The following WWC1 variants were observed in gnomAD, a reference collection of about 807,000 sequenced individuals.
WWC1 encodes the protein protein KIBRA.
Under a neutral mutation model 138.4 loss-of-function variants are expected in WWC1, and 55 were observed. The observed-to-expected ratio is 0.40, with a 90% CI of 0.32 to 0.50. WWC1 has a LOEUF of 0.50. Ranked by LOEUF, WWC1 falls within the 20% of genes least tolerant of loss-of-function variation. WWC1 has a pLI of 0.72. For missense variants in WWC1, 1,226 were observed against 1,420.4 expected (o/e 0.86, Z 2.20); for synonymous variants, 524 against 564.9 (o/e 0.93, Z 1.03).
intron 6 of WWC1, among the ~76,000 whole-genome samples, chr5:168,407,122 G>T (rs921700235): frequency 6.6e-6 from 1 of 152,092 alleles, no homozygotes; most frequent in Admixed American, 6.5e-5. Context: ...ATGAAATGGA[G>T]GGAGGTGGTT....
intron 1 of WWC1, among the ~76,000 whole-genome samples, chr5:168,349,163 A>G (rs1181020367): frequency 1.3e-5 from 2 of 152,134 alleles, no homozygotes; most frequent in Admixed American, 6.5e-5. Context: ...ATGACCAGAC[A>G]CAGTGATTTC....
Position 168,423,728 on chromosome 5 carries a change from C to T in WWC1, c.1470C>T (p.Thr490=), listed in dbSNP as rs375845972. 53 of 1,613,902 alleles carry T rather than the reference C, an allele frequency of 3.3e-5. No individual in the cohort carries two copies. The highest frequency in any genetic ancestry group is 3.3e-4 in the Middle Eastern group (2 of 6,084). ...AGTTCCTGCTCCTGGAGGGGGCCAC[C>T]GGCTTCCGGCCCTCAGGCTGCATCA... ...KVEFLLLEGA[T]GFRPSGCITT... is the part of the protein sequence containing the mutation. Residue 490 remains threonine (T), a synonymous_variant, in exon 11 of 23, where the codon ACC becomes ACT. Coordinates refer to ENST00000265293, the MANE Select transcript of WWC1 (RefSeq NM_015238.3).
At chr5:168,399,437 C>T (rs1192040692) in intron 4 of WWC1, 51 bp from the exon 5 acceptor site, 13 of 1,604,122 alleles carry the variant, frequency 8.1e-6, no homozygotes, top group African/African-American at 1.3e-5. Flanking sequence ...GCAGCCTGCA[C>T]CTTGGTGTCA....
At chr5:168,321,277 G>A (rs2152758595) in intron 1 of WWC1, among the ~76,000 whole-genome samples, 1 of 152,222 alleles carries the variant, frequency 6.6e-6, no homozygotes, top group South Asian at 2.1e-4. Flanking sequence ...GAAGAACCAG[G>A]TTCTTTTTCT....
intron 15 of WWC1, among the ~76,000 whole-genome samples, chr5:168,432,836 T>C (rs1782053751): frequency 6.6e-6 from 1 of 152,232 alleles, no homozygotes; most frequent in South Asian, 2.1e-4. Context: ...AAAAACAAGA[T>C]GTATACACCT....
intron 10 of WWC1, among the ~76,000 whole-genome samples, chr5:168,423,147 C>A (rs4976605): frequency 0.13 from 11,731 of 92,590 alleles, 335 homozygotes; most frequent in Middle Eastern, 0.17. Context: ...TCCATCCCCC[C>A]CCAAAAAAAA....
At chr5:168,364,158 A>T (rs1561661412) in intron 1 of WWC1, among the ~76,000 whole-genome samples, 1 of 151,894 alleles carries the variant, frequency 6.6e-6, no homozygotes. Flanking sequence ...CAGAGAAGAA[A>T]ACTCCTCTCA....
At chr5:168,361,063 G>C (rs1775844030) in intron 1 of WWC1, among the ~76,000 whole-genome samples, 3 of 152,212 alleles carry the variant, frequency 2.0e-5, no homozygotes, top group Admixed American at 2.0e-4. Context: ...TGTGTGCCAG[G>C]TGCTGTGTTG....
At chr5:168,384,713 CTTT>C (rs762052940) in intron 2 of WWC1, among the ~76,000 whole-genome samples, 1 of 99,634 alleles carries the variant, frequency 1.0e-5, no homozygotes, top group South Asian at 3.6e-4. Flanking sequence ...CTGGTTTATT[CTTT>C]TTTTTTTTTT....
intron 9 of WWC1, among the ~76,000 whole-genome samples, chr5:168,417,055 T>TG (rs1165897300): frequency 6.6e-6 from 1 of 151,966 alleles, no homozygotes; most frequent in Non-Finnish European, 1.5e-5. Context: ...TTAGTAGAGG[T>TG]GGGGTTTCAC....
intron 17 of WWC1, 46 bp downstream of exon 17, chr5:168,444,631 C>T: frequency 6.2e-7 from 1 of 1,601,538 alleles, no homozygotes; most frequent in Non-Finnish European, 8.5e-7. Context: ...CTGCCTGGAC[C>T]TAGGCCCAGC....
chr5:168,427,538 CT>C (rs1306657651), intron 11 of WWC1, among the ~76,000 whole-genome samples: 1 of 135,424 alleles, frequency 7.4e-6, no homozygotes. Flanking sequence ...CTAAAGCAAA[CT>C]TTTTTTTAAT....
In WWC1 at chr5:168,409,830, G is replaced by A. The variant is rs149715892; in HGVS notation, c.868-92G>A. ...GGGGCTATTCTTGGCTACTGCCCAC[G>A]CAAGCTGTCAAGTCTCTCATGAGCC... On this transcript the variant is annotated intron_variant, in intron 7 of 22. Transcript: ENST00000265293. 221 of 1,328,994 alleles carry A rather than the reference G, an allele frequency of 1.7e-4. 4 individuals carry two copies. The East Asian group carries it at 3.6e-3, about 22-fold the overall frequency. 82.3% of individuals were successfully genotyped at this position (1,328,994 alleles called of 1,614,324 possible).
At chr5:168,399,336 G>T in intron 4 of WWC1, 152 bp from the exon 5 acceptor site, 2 of 678,274 alleles carry the variant, frequency 2.9e-6, no homozygotes, top group African/African-American at 1.8e-5. Context: ...GGTGACAGGA[G>T]GGGGCTCTGA....
At chr5:168,340,314 T>TCC (rs1561631873) in intron 1 of WWC1, among the ~76,000 whole-genome samples, 1 of 151,928 alleles carries the variant, frequency 6.6e-6, no homozygotes, top group African/African-American at 2.4e-5. Context: ...GACCTCAGGT[T>TCC]ATCCACCTAT....
intron 8 of WWC1, chr5:168,414,129 TC>T: frequency 1.7e-6 from 1 of 584,018 alleles, no homozygotes; most frequent in African/African-American, 1.9e-5. Flanking sequence ...CTTGTTCATG[TC>T]TGCACCCCAT....
intron 22 of WWC1, 129 bp downstream of exon 22, chr5:168,468,093 A>T (rs977896447): frequency 2.8e-6 from 4 of 1,453,636 alleles, no homozygotes; most frequent in Admixed American, 2.2e-5. Flanking sequence ...ACAGATGTTC[A>T]TCCTCCGCCA....
intron 9 of WWC1, among the ~76,000 whole-genome samples, chr5:168,421,643 G>A (rs570094656): frequency 2.6e-5 from 4 of 152,296 alleles, no homozygotes; most frequent in South Asian, 4.1e-4. Context: ...GGAGGGTATG[G>A]TTGGGTGAAA....
chr5:168,337,462 G>A lies in WWC1; in HGVS notation c.120-33962G>A, dbSNP rs573424671. ...GGAGGGTGCCTCTAAATGGCTAGGGGCCAGGGATAGTGCTGGACATCCTGC... is the reference window on the plus strand; with the variant it reads ...GGAGGGTGCCTCTAAATGGCTAGGGACCAGGGATAGTGCTGGACATCCTGC... On this transcript the variant is annotated intron_variant, in intron 1 of 22. Coordinates refer to ENST00000265293, the MANE Select transcript of WWC1 (RefSeq NM_015238.3). Among the ~76,000 whole-genome samples the A allele has an allele frequency of 3.9e-4, 59 of 152,164 alleles. No individual in the cohort carries two copies. The South Asian group carries it at 0.011, about 30-fold the overall frequency.
Sources: allele counts gnomAD v4.1 joint callset (sites outside exome capture counted in the v4.1 genomes callset), GRCh38; gene constraint gnomAD v4.1.1; transcripts MANE v1.5; gene names NCBI Gene and HGNC (gene_info 2026-07-23, HGNC 2026-07-21).